Variants in MKLN1 observed in about 807,000 individuals in gnomAD.
MKLN1 encodes muskelin.
A neutral mutation model predicts 99.0 loss-of-function variants in MKLN1; 18 were observed. That is an observed-to-expected ratio of 0.18 (90% CI 0.13 to 0.27). MKLN1 has a LOEUF of 0.27. MKLN1 is among the 10% of genes least tolerant of loss of function. MKLN1 has a pLI of 1.00. For synonymous variants in MKLN1, 288 were observed against 293.2 expected (o/e 0.98, Z 0.18); for missense variants, 621 against 875.9 (o/e 0.71, Z 3.67).
chr7:131,428,608 A>T (rs542248320), intron 8 of MKLN1, among the ~76,000 whole-genome samples: 59 of 152,298 alleles, frequency 3.9e-4, no homozygotes, highest in African/African-American at 1.3e-3. Context: ...AATCTGAATT[A>T]AAAAATTCCA....
intron 2 of MKLN1, among the ~76,000 whole-genome samples, chr7:131,156,602 A>G (rs748830835): frequency 6.6e-6 from 1 of 152,164 alleles, no homozygotes; most frequent in Non-Finnish European, 1.5e-5. Flanking sequence ...CCCATTTTAT[A>G]ATAAAGTGTT....
chr7:131,198,085 C>T (rs1430116602), intron 2 of MKLN1, among the ~76,000 whole-genome samples: 1 of 152,162 alleles, frequency 6.6e-6, no homozygotes, highest in Non-Finnish European at 1.5e-5. Context: ...CTGAAAGACA[C>T]TTAGAAGGTT....
At chr7:131,110,112 A>T (rs1217549082), upstream of MKLN1, 2 of 267,798 alleles carry the variant, frequency 7.5e-6, no homozygotes, top group African/African-American at 4.7e-5. Context: ...ATCCTCCGGT[A>T]GCGAAGGGCT....
At chr7:131,125,339 T>C (rs892706) in intron 1 of MKLN1, among the ~76,000 whole-genome samples, 77,157 of 152,032 alleles carry the variant, frequency 0.51, 20,971 homozygotes, top group East Asian at 0.79. Flanking sequence ...GTTGGCAAAG[T>C]AGAAGTGACA....
intron 3 of MKLN1, among the ~76,000 whole-genome samples, chr7:131,290,034 GGTGGGTTGCACCT>G (rs1174632359): frequency 6.6e-6 from 1 of 152,136 alleles, no homozygotes; most frequent in African/African-American, 2.4e-5. Context: ...GGCCAGGTGC[GGTGGGTTGCACCT>G]GTAATTCCAG....
At chr7:131,342,043 C>A (rs1433501664) in intron 1 of MKLN1, among the ~76,000 whole-genome samples, 1 of 152,170 alleles carries the variant, frequency 6.6e-6, no homozygotes, top group African/African-American at 2.4e-5. Context: ...AACATTCATA[C>A]AAGTTTTTTG....
intron 5 of MKLN1, 86 bp from the exon 6 acceptor site, chr7:131,399,155 A>C (rs1554567397): frequency 8.9e-7 from 1 of 1,123,854 alleles, no homozygotes; most frequent in Non-Finnish European, 1.3e-6. Flanking sequence ...CTCAGTGTAG[A>C]TTAGTTATTT....
At chr7:131,262,187 G>A (rs1797742384) in intron 3 of MKLN1, among the ~76,000 whole-genome samples, 1 of 152,154 alleles carries the variant, frequency 6.6e-6, no homozygotes, top group African/African-American at 2.4e-5. Context: ...TGTAATCCCA[G>A]CACTTTGGGA....
At chr7:131,135,251 T>C (rs1795630693) in intron 1 of MKLN1, among the ~76,000 whole-genome samples, 1 of 152,038 alleles carries the variant, frequency 6.6e-6, no homozygotes, top group African/African-American at 2.4e-5. Flanking sequence ...GCCTCCCGAG[T>C]AGCTGGGACT....
At chr7:131,341,259 G>A (rs925655774) in intron 1 of MKLN1, among the ~76,000 whole-genome samples, 1 of 151,120 alleles carries the variant, frequency 6.6e-6, no homozygotes, top group Non-Finnish European at 1.5e-5. Context: ...TGGATTTTTT[G>A]TACATTCACA....
In MKLN1 at chr7:131,171,721, G is replaced by A. The variant is rs191147365; in HGVS notation, c.-297+28780G>A. 9.2e-3 allele frequency among the ~76,000 whole-genome samples: 1,399 copies of A among 152,248 alleles called. 14 individuals carry two copies. Among genetic ancestry groups the A allele is most frequent in the Non-Finnish European group, 0.015 (1,033 of 68,008 alleles). On this transcript the variant is annotated intron_variant, in intron 2 of 7. Coordinates refer to the MKLN1 transcript ENST00000416992. Reference sequence around the variant, plus strand: ...GATCCACCCACCTCGGCCTCCCAAAGTGCTGGGATTACAGGCATGAGCCAC... The same window carrying A: ...GATCCACCCACCTCGGCCTCCCAAAATGCTGGGATTACAGGCATGAGCCAC...
intron 3 of MKLN1, among the ~76,000 whole-genome samples, chr7:131,293,003 G>A (rs1798243985): frequency 1.3e-5 from 2 of 152,232 alleles, no homozygotes; most frequent in South Asian, 2.1e-4. Flanking sequence ...ATTGCAATAG[G>A]AGGTTGAGTT....
chr7:131,421,756 G>A (rs1163005161), intron 8 of MKLN1, among the ~76,000 whole-genome samples: 1 of 152,092 alleles, frequency 6.6e-6, no homozygotes, highest in Non-Finnish European at 1.5e-5. Flanking sequence ...CTATGGAAAT[G>A]TTTTAAAGTA....
chr7:131,331,174 G>T (rs1799062930), intron 1 of MKLN1, among the ~76,000 whole-genome samples: 1 of 152,132 alleles, frequency 6.6e-6, no homozygotes, highest in Non-Finnish European at 1.5e-5. Flanking sequence ...ATACCTGTAA[G>T]ATAGGTATTT....
intron 6 of MKLN1, among the ~76,000 whole-genome samples, chr7:131,409,421 A>G (rs1468055683): frequency 6.6e-6 from 1 of 152,196 alleles, no homozygotes; most frequent in Non-Finnish European, 1.5e-5. Flanking sequence ...TTTAACCTTT[A>G]CCCTGCTTTA....
chr7:131,387,182 G>C lies in MKLN1; in HGVS notation c.231G>C (p.Glu77Asp), dbSNP rs1794057933. Residue 77 changes from glutamate (E) to aspartate (D), a missense_variant, in exon 3 of 18, where the codon GAG (glutamate) becomes GAC (aspartate). Physicochemically the swap from Glu to Asp is conservative, Grantham distance 45 (BLOSUM62 2). Transcript: ENST00000352689. ...AGAATATCACATTTGGAAAATATGA[G>C]AAAACTCATGTTTGCAATTTGAAGA... ...IVQNITFGKY[E>D]KTHVCNLKKF... 1 of 1,612,208 alleles carries C rather than the reference G, an allele frequency of 6.2e-7. No homozygotes were observed. Among genetic ancestry groups the C allele is most frequent in the Non-Finnish European group, 8.5e-7 (1 of 1,179,038 alleles).
chr7:131,122,502 A>G (rs991508955), intron 1 of MKLN1, among the ~76,000 whole-genome samples: 1 of 152,064 alleles, frequency 6.6e-6, no homozygotes, highest in Non-Finnish European at 1.5e-5. Context: ...GAAAAGGGCA[A>G]TTTGCTTTTC....
chr7:131,418,674 G>T (rs1293104899), intron 8 of MKLN1, among the ~76,000 whole-genome samples: 2 of 152,338 alleles, frequency 1.3e-5, no homozygotes, highest in South Asian at 4.1e-4. Context: ...TTCATGACAT[G>T]ACTCTGTCTT....
intron 2 of MKLN1, among the ~76,000 whole-genome samples, chr7:131,176,601 T>G (rs1796302699): frequency 6.6e-6 from 1 of 152,208 alleles, no homozygotes; most frequent in Non-Finnish European, 1.5e-5. Flanking sequence ...CTGGCCCACA[T>G]TCATCCTTCT....
Sources: allele counts gnomAD v4.1 joint callset (sites outside exome capture counted in the v4.1 genomes callset), GRCh38; gene constraint gnomAD v4.1.1; transcripts MANE v1.5; gene names NCBI Gene and HGNC (gene_info 2026-07-23, HGNC 2026-07-21).